INVS: variants seen among roughly 807,000 people sequenced by gnomAD.
The protein encoded by INVS is inversin.
INVS carries 86 observed loss-of-function variants against 108.8 expected under a neutral mutation model. That is an observed-to-expected ratio of 0.79 (90% CI 0.66 to 0.95). INVS has a LOEUF of 0.95. Ranked by LOEUF, INVS falls within the 40% of genes least tolerant of loss-of-function variation. INVS has a pLI of 0.00. For synonymous variants in INVS, 455 were observed against 473.5 expected (o/e 0.96, Z 0.51); for missense variants, 1,169 against 1,297.4 (o/e 0.90, Z 1.52).
At chr9:100,164,172 T>G (rs986102225) in intron 3 of INVS, among the ~76,000 whole-genome samples, 1 of 152,238 alleles carries the variant, frequency 6.6e-6, no homozygotes, top group African/African-American at 2.4e-5. Context: ...TTTTGAAATG[T>G]GTATACATTC....
intron 11 of INVS, among the ~76,000 whole-genome samples, chr9:100,270,202 G>C (rs1328089018): frequency 6.6e-6 from 1 of 152,002 alleles, no homozygotes; most frequent in Non-Finnish European, 1.5e-5. Flanking sequence ...AAAGGAAATT[G>C]TATCTCCCAG....
rs1831819928 is a variant in INVS at position 100,240,167 on chromosome 9, C to T, written c.723C>T (p.Thr241=). The T allele has an allele frequency of 6.2e-7, 1 of 1,613,656 alleles. No homozygotes were observed. The highest frequency in any genetic ancestry group is 8.5e-7 in the Non-Finnish European group (1 of 1,179,790). ...ATGTGACCGTGGTTGATGTCTTGAC[C>T]TCATATGAAAGCTGCAATATAACGT... ...DGNVTVVDVL[T]SYESCNITSY... is the part of the protein sequence containing the mutation. Residue 241 remains threonine (T), a synonymous_variant, in exon 6 of 17, where the codon ACC becomes ACT. Coordinates refer to ENST00000262457, the MANE Select transcript of INVS (RefSeq NM_014425.5).
intron 3 of INVS, among the ~76,000 whole-genome samples, chr9:100,138,406 C>CA (rs1235714487): frequency 1.3e-5 from 2 of 150,704 alleles, no homozygotes; most frequent in East Asian, 1.9e-4. Flanking sequence ...AATTCCGTCT[C>CA]AAAAAAAAAT....
At chr9:100,203,100 G>A (rs10512269) in intron 3 of INVS, among the ~76,000 whole-genome samples, 27,308 of 152,126 alleles carry the variant, frequency 0.18, 3,681 homozygotes, top group African/African-American at 0.38. Flanking sequence ...AAGGTACAAA[G>A]CATAAAGTCC....
intron 2 of INVS, among the ~76,000 whole-genome samples, chr9:100,118,303 G>T (rs1054873586): frequency 6.6e-6 from 1 of 151,810 alleles, no homozygotes; most frequent in Admixed American, 6.6e-5. Flanking sequence ...CCACCTCCCG[G>T]GTTCAAGCGA....
intron 3 of INVS, among the ~76,000 whole-genome samples, chr9:100,199,514 T>C (rs1457706206): frequency 6.6e-6 from 1 of 152,232 alleles, no homozygotes; most frequent in Non-Finnish European, 1.5e-5. Flanking sequence ...GTTCTTCAAT[T>C]GGCTCTTTAC....
At position 100,144,643 on chromosome 9, in the gene INVS, G is replaced by A. The variant is rs193292692; in HGVS notation, c.273+18094G>A. On this transcript the variant is annotated intron_variant, in intron 3 of 16. Transcript: ENST00000262457. ...CTGGGCAGGTAGGGGAGGGCTAGTC[G>A]CGGAACAAAACTGTAAGCCAGACTG... Among the ~76,000 whole-genome samples, 10 of 152,236 alleles carry A rather than the reference G, an allele frequency of 6.6e-5. No individual in the cohort carries two copies. The East Asian group carries it at 1.4e-3, about 21-fold the overall frequency.
At chr9:100,270,363 C>T (rs1832912885) in intron 11 of INVS, among the ~76,000 whole-genome samples, 1 of 152,050 alleles carries the variant, frequency 6.6e-6, no homozygotes, top group South Asian at 2.1e-4. Context: ...ATAATTCCAA[C>T]ACTTTGGTAG....
chr9:100,277,823 T>C (rs2118693495), intron 12 of INVS, among the ~76,000 whole-genome samples: 1 of 152,234 alleles, frequency 6.6e-6, no homozygotes, highest in Middle Eastern at 3.4e-3. Context: ...CTAGACACCA[T>C]GCAACACCAA....
At chr9:100,193,776 A>G (rs10819737) in intron 3 of INVS, among the ~76,000 whole-genome samples, 47,873 of 152,116 alleles carry the variant, frequency 0.31, 8,638 homozygotes, top group Non-Finnish European at 0.42. Flanking sequence ...CCAATGATTT[A>G]TATATTATCA....
At chr9:100,121,945 T>C (rs994023896) in intron 2 of INVS, among the ~76,000 whole-genome samples, 3 of 152,232 alleles carry the variant, frequency 2.0e-5, no homozygotes, top group African/African-American at 7.2e-5. Context: ...AGATTTTCTC[T>C]TTAACCCATG....
At chr9:100,244,881 A>G (rs1331581912) in intron 7 of INVS, among the ~76,000 whole-genome samples, 1 of 152,222 alleles carries the variant, frequency 6.6e-6, no homozygotes, top group Non-Finnish European at 1.5e-5. Flanking sequence ...AAATAGTCTT[A>G]AAAGTAGAAA....
intron 3 of INVS, among the ~76,000 whole-genome samples, chr9:100,199,514 T>G (rs1457706206): frequency 6.6e-6 from 1 of 152,232 alleles, no homozygotes; most frequent in Non-Finnish European, 1.5e-5. Flanking sequence ...GTTCTTCAAT[T>G]GGCTCTTTAC....
At chr9:100,158,963 C>T (rs1021124588) in intron 3 of INVS, among the ~76,000 whole-genome samples, 7 of 152,130 alleles carry the variant, frequency 4.6e-5, no homozygotes, top group Non-Finnish European at 1.0e-4. Context: ...TGCTGTCTAC[C>T]ATGTGACATA....
intron 5 of INVS, among the ~76,000 whole-genome samples, chr9:100,238,717 ACCTGTTGTTTAC>A (rs1188425348): frequency 6.6e-6 from 1 of 152,084 alleles, no homozygotes; most frequent in Non-Finnish European, 1.5e-5. Context: ...AATAAGTCCA[ACCTGTTGTTTAC>A]CCTATCCATT....
intron 2 of INVS, among the ~76,000 whole-genome samples, chr9:100,105,969 C>A (rs1177907847): frequency 6.8e-6 from 1 of 147,984 alleles, no homozygotes; most frequent in Admixed American, 7.0e-5. Context: ...ATTGATAGCA[C>A]CCCAAATTCA....
intron 2 of INVS, among the ~76,000 whole-genome samples, chr9:100,123,059 C>T (rs1375277848): frequency 6.6e-6 from 1 of 151,992 alleles, no homozygotes; most frequent in East Asian, 1.9e-4. Flanking sequence ...TTTTAGTATT[C>T]CATTTTAATT....
intron 7 of INVS, 126 bp downstream of exon 7, chr9:100,242,805 CTG>C: frequency 1.6e-6 from 1 of 638,836 alleles, no homozygotes; most frequent in Non-Finnish European, 2.8e-6. Flanking sequence ...CTAGTTCACT[CTG>C]TTTTTATTTA....
At chr9:100,201,126 C>T (rs1327555791) in intron 3 of INVS, among the ~76,000 whole-genome samples, 2 of 152,240 alleles carry the variant, frequency 1.3e-5, no homozygotes, top group Non-Finnish European at 2.9e-5. Context: ...CAGCAGGTAG[C>T]ATGAGCTTCA....
Sources: gnomAD v4.1 joint callset for allele counts (sites outside exome capture counted in the v4.1 genomes callset) on GRCh38, gnomAD v4.1.1 for gene constraint, MANE v1.5 for transcripts, NCBI Gene and HGNC (gene_info 2026-07-23, HGNC 2026-07-21) for gene names.